The following CSMD1 variants were observed in gnomAD, a reference collection of about 807,000 sequenced individuals.
The protein encoded by CSMD1 is CUB and sushi domain-containing protein 1.
Under a neutral mutation model 417.5 loss-of-function variants are expected in CSMD1, and 213 were observed. That is an observed-to-expected ratio of 0.51 (90% CI 0.46 to 0.57). CSMD1 has a LOEUF of 0.57. Among genes scored for constraint, CSMD1 ranks in the 20% least tolerant of loss-of-function variants. The pLI is 0.00. For synonymous variants in CSMD1, 2,862 were observed against 1,736.8 expected (o/e 1.65, Z -16.11); for missense variants, 6,923 against 4,529.7 (o/e 1.53, Z -15.17).
intron 3 of CSMD1, among the ~76,000 whole-genome samples, chr8:4,209,541 C>A (rs1030849580): frequency 6.6e-6 from 1 of 152,184 alleles, no homozygotes; most frequent in African/African-American, 2.4e-5. Flanking sequence ...GCGTGAGATT[C>A]CTTGCTGCCA....
intron 1 of CSMD1, among the ~76,000 whole-genome samples, chr8:4,938,426 C>G (rs1201982118): frequency 6.6e-6 from 1 of 152,162 alleles, no homozygotes; most frequent in Admixed American, 6.5e-5. Flanking sequence ...CAACAAGTGG[C>G]ATATGCATAC....
chr8:3,838,943 A>AT (rs1554455750), intron 5 of CSMD1, among the ~76,000 whole-genome samples: 2 of 110,568 alleles, frequency 1.8e-5, no homozygotes, highest in South Asian at 2.6e-4. Flanking sequence ...TATATAATAA[A>AT]AAATTAATAT....
chr8:2,966,071 A>C (rs1803929228), intron 58 of CSMD1, 117 bp from the exon 59 acceptor site: 2 of 861,222 alleles, frequency 2.3e-6, no homozygotes, highest in Admixed American at 4.5e-5. Context: ...TTAAGCAGTG[A>C]ATTAATACAG....
rs372890923 is a variant in CSMD1, at chr8:4,716,170, G to A, written c.86-78612C>T. Among the ~76,000 whole-genome samples the A allele has an allele frequency of 1.6e-3, 250 of 152,254 alleles. 9 individuals are homozygous for A. The South Asian group carries it at 0.051, about 31-fold the overall frequency. On this transcript the variant is annotated intron_variant, in intron 1 of 69. Transcript: ENST00000635120. ...CAGGCTGACTTCACACTTCAGCGAG[G>A]AATCCCCCTGAGCAGGCGCCACCCA...
intron 23 of CSMD1, among the ~76,000 whole-genome samples, chr8:3,315,869 A>G (rs1205129279): frequency 1.3e-5 from 2 of 152,190 alleles, no homozygotes; most frequent in Non-Finnish European, 2.9e-5. Context: ...CAATCTTGAA[A>G]CATTTTATAA....
At chr8:3,590,301 A>T (rs1166036724) in intron 8 of CSMD1, among the ~76,000 whole-genome samples, 1 of 152,152 alleles carries the variant, frequency 6.6e-6, no homozygotes, top group Non-Finnish European at 1.5e-5. Context: ...TCCTGATTCT[A>T]TTACTTTATA....
intron 6 of CSMD1, among the ~76,000 whole-genome samples, chr8:3,742,120 G>A (rs533682700): frequency 1.3e-5 from 2 of 152,050 alleles, no homozygotes; most frequent in Non-Finnish European, 2.9e-5. Context: ...CTGTCCATCA[G>A]TCTATTTGTC....
At chr8:4,022,321 A>G (rs1169669311) in intron 4 of CSMD1, among the ~76,000 whole-genome samples, 3 of 151,974 alleles carry the variant, frequency 2.0e-5, no homozygotes, top group Non-Finnish European at 4.4e-5. Flanking sequence ...TATTTAGTGA[A>G]CACCCCTCCA....
intron 1 of CSMD1, among the ~76,000 whole-genome samples, chr8:4,933,819 A>T (rs1229559777): frequency 1.3e-5 from 2 of 152,284 alleles, no homozygotes; most frequent in South Asian, 2.1e-4. Flanking sequence ...AGCCCGATAC[A>T]TTTATTTTGA....
intron 20 of CSMD1, among the ~76,000 whole-genome samples, chr8:3,362,448 T>A (rs12541278): frequency 2.0e-5 from 3 of 151,928 alleles, no homozygotes; most frequent in African/African-American, 7.3e-5. Context: ...ATGCTCTCTT[T>A]TTTCTCCAAA....
intron 2 of CSMD1, among the ~76,000 whole-genome samples, chr8:4,630,162 C>A (rs1034625884): frequency 6.6e-6 from 1 of 152,076 alleles, no homozygotes; most frequent in Non-Finnish European, 1.5e-5. Flanking sequence ...CATAGTATTG[C>A]AAACATAATT....
intron 7 of CSMD1, among the ~76,000 whole-genome samples, chr8:3,665,136 T>G (rs1798617442): frequency 6.6e-6 from 1 of 152,178 alleles, no homozygotes; most frequent in Non-Finnish European, 1.5e-5. Flanking sequence ...ATTAGGAATT[T>G]TGTATCATGA....
chr8:4,458,392 A>C (rs1473682228), intron 2 of CSMD1, among the ~76,000 whole-genome samples: 2 of 152,158 alleles, frequency 1.3e-5, no homozygotes, highest in African/African-American at 4.8e-5. Flanking sequence ...AAGTTATTAC[A>C]AGTTTATGGG....
At chr8:3,482,082 A>T (rs1585229954) in intron 11 of CSMD1, among the ~76,000 whole-genome samples, 2 of 152,254 alleles carry the variant, frequency 1.3e-5, no homozygotes, top group African/African-American at 4.8e-5. Flanking sequence ...ATTAAAAAAC[A>T]AAACTTAATA....
chr8:4,986,387 T>C (rs1811179165), intron 1 of CSMD1, among the ~76,000 whole-genome samples: 1 of 152,190 alleles, frequency 6.6e-6, no homozygotes, highest in Non-Finnish European at 1.5e-5. Flanking sequence ...GAAGACACTT[T>C]CTGTTAAAAA....
chr8:3,134,741 T>A (rs1415777028), intron 41 of CSMD1, among the ~76,000 whole-genome samples: 1 of 152,212 alleles, frequency 6.6e-6, no homozygotes, highest in Admixed American at 6.5e-5. Context: ...ACTACTTTGG[T>A]GTCTAGCAGA....
chr8:3,244,271 G>A (rs758499331), intron 26 of CSMD1, among the ~76,000 whole-genome samples: 1 of 152,156 alleles, frequency 6.6e-6, no homozygotes, highest in African/African-American at 2.4e-5. Flanking sequence ...AGGGTCAGTA[G>A]CCTGCGAAGC....
intron 17 of CSMD1, among the ~76,000 whole-genome samples, chr8:3,393,807 G>T (rs1248773994): frequency 6.6e-6 from 1 of 151,250 alleles, no homozygotes; most frequent in African/African-American, 2.4e-5. Context: ...CATGGACACA[G>T]GAAGGGGAAC....
chr8:4,903,324 A>G (rs903249979), intron 1 of CSMD1, among the ~76,000 whole-genome samples: 1 of 152,178 alleles, frequency 6.6e-6, no homozygotes, highest in African/African-American at 2.4e-5. Flanking sequence ...TTATGGATAA[A>G]ATTACCATCT....
Sources: allele counts gnomAD v4.1 joint callset (sites outside exome capture counted in the v4.1 genomes callset), GRCh38; gene constraint gnomAD v4.1.1; transcripts MANE v1.5; gene names NCBI Gene and HGNC (gene_info 2026-07-23, HGNC 2026-07-21).